Variants in GPR15 observed in about 807,000 individuals in gnomAD.
The protein encoded by GPR15 is G protein-coupled receptor 15.
In GPR15, 16 loss-of-function variants were observed where a neutral mutation model predicts 19.3. The ratio of observed to expected loss-of-function variants is 0.83; its 90% CI spans 0.56 to 1.26. The LOEUF is 1.26. GPR15 is among the 50% of genes most tolerant of loss of function. The pLI, the probability that GPR15 is intolerant of heterozygous loss-of-function variation, is 0.00. For missense variants in GPR15, 458 were observed against 429.4 expected, an observed-to-expected ratio of 1.07 and a Z score of -0.59; for synonymous variants, 170 against 171.2, an observed-to-expected ratio of 0.99 and a Z score of 0.05.
In GPR15 at chr3:98,533,271, G is replaced by A; in HGVS notation, c.*155G>A. 1 of 861,484 alleles carries A rather than the reference G, an allele frequency of 1.2e-6. No individual in the cohort carries two copies. Among genetic ancestry groups the A allele is most frequent in the African/African-American group, 1.7e-5 (1 of 59,118 alleles). The allele number at this position is 861,484 out of a possible 1,614,324, so 53.4% of individuals were successfully genotyped here. ...GAGGACTGAAAAATCCCTGTGTTGT[G>A]GATATAATTAGGCCATGTGCTGTTT... On this transcript the variant is annotated 3_prime_UTR_variant, in exon 1 of 1. Coordinates refer to ENST00000284311, the MANE Select transcript of GPR15 (RefSeq NM_005290.4).
chr3:98,534,357 C>T lies in GPR15; in HGVS notation c.*1241C>T, dbSNP rs1706681298. 1.3e-5 allele frequency among the ~76,000 whole-genome samples: 2 copies of T among 152,186 alleles called. No individual in the cohort carries two copies. Among genetic ancestry groups the T allele is most frequent in the Non-Finnish European group, 2.9e-5 (2 of 68,018 alleles). The stretch of plus-strand genomic sequence containing the variant: ...TAATTAGTGGCAACCACAAAAGACT[C>T]TGCAGCAGCAAGCATGCTATTGTAA... On this transcript the variant is annotated 3_prime_UTR_variant, in exon 1 of 1. Coordinates refer to ENST00000284311, the MANE Select transcript of GPR15 (RefSeq NM_005290.4).
chr3:98,532,226 C>A lies in GPR15; in HGVS notation c.193C>A (p.Arg65=), dbSNP rs772033767. 83 of 1,614,002 alleles carry A rather than the reference C, an allele frequency of 5.1e-5. No homozygotes were observed. Among genetic ancestry groups the A allele is most frequent in the Non-Finnish European group, 6.7e-5 (79 of 1,180,024 alleles). The change falls in exon 1 of 1, where the codon CGA becomes AGA. Residue 65 remains arginine (R), a synonymous_variant. Transcript: ENST00000284311. ...AGCGTTGCATTTCAAACCCGGCAGCCGAAGACTGATCGACATCTTTATCAT... is the reference window on the plus strand; with the variant it reads ...AGCGTTGCATTTCAAACCCGGCAGCAGAAGACTGATCGACATCTTTATCAT... ...MGALHFKPGS[R]RLIDIFIINL... is the part of the protein sequence containing the mutation.
chr3:98,534,542 A>G lies in GPR15; in HGVS notation c.*1426A>G, dbSNP rs1276861771. Among the ~76,000 whole-genome samples the G allele has an allele frequency of 6.6e-6, 1 of 152,212 alleles. No homozygotes were observed. Among genetic ancestry groups the G allele is most frequent in the Non-Finnish European group, 1.5e-5 (1 of 68,020 alleles). On this transcript the variant is annotated 3_prime_UTR_variant, in exon 1 of 1. Transcript: ENST00000284311. Reference sequence around the variant, plus strand: ...TAATTTCATCTCATGTATCTTTCACATGAAGAGAAACCTCAAATATCGGAC... The same window carrying G: ...TAATTTCATCTCATGTATCTTTCACGTGAAGAGAAACCTCAAATATCGGAC...
At position 98,534,567 on chromosome 3, in the gene GPR15, C is replaced by T. The variant is rs996276349; in HGVS notation, c.*1451C>T. Among the ~76,000 whole-genome samples the T allele has an allele frequency of 1.3e-5, 2 of 152,148 alleles. No homozygotes were observed. The highest frequency in any genetic ancestry group is 1.3e-4 in the Admixed American group (2 of 15,278). On this transcript the variant is annotated 3_prime_UTR_variant, in exon 1 of 1. Coordinates refer to ENST00000284311, the MANE Select transcript of GPR15 (RefSeq NM_005290.4). ...ATGAAGAGAAACCTCAAATATCGGA[C>T]ATCTCCTTGTAGCCTAATTAGAAGC... is the stretch of plus-strand genomic sequence containing the variant.
Position 98,532,306 on chromosome 3 carries a change from T to C in GPR15, c.273T>C (p.Asp91=). Residue 91 remains aspartate (D), a synonymous_variant, in exon 1 of 1, where the codon GAT becomes GAC. Coordinates refer to ENST00000284311, the MANE Select transcript of GPR15 (RefSeq NM_005290.4). ...TTGTCACATTGCCTCTCTGGGTGGA[T>C]AAAGAAGCATCTCTAGGACTGTGGA... is the stretch of plus-strand genomic sequence containing the variant. The part of the protein sequence containing the change: ...IFLVTLPLWV[D]KEASLGLWRT... 1 of 1,614,156 alleles carries C rather than the reference T, an allele frequency of 6.2e-7. No individual in the cohort carries two copies. The highest frequency in any genetic ancestry group is 1.3e-5 in the African/African-American group (1 of 75,034).
rs1238745425 is a variant in GPR15 at position 98,533,924 on chromosome 3, G to C, written c.*808G>C. On this transcript the variant is annotated 3_prime_UTR_variant, in exon 1 of 1. Coordinates refer to ENST00000284311, the MANE Select transcript of GPR15 (RefSeq NM_005290.4). Reference sequence around the variant, plus strand: ...TTACTATGCTCTTTTGTTTCCATTGGCTTTATAAATTAGGATTTGACTTTG... The same window carrying C: ...TTACTATGCTCTTTTGTTTCCATTGCCTTTATAAATTAGGATTTGACTTTG... Among the ~76,000 whole-genome samples, 1 of 151,938 alleles carries C rather than the reference G, an allele frequency of 6.6e-6. No homozygotes were observed. Among genetic ancestry groups the C allele is most frequent in the African/African-American group, 2.4e-5 (1 of 41,342 alleles).
At position 98,533,417 on chromosome 3, in the gene GPR15, A is replaced by G. The variant is rs1189959183; in HGVS notation, c.*301A>G. ...GCTTGAACCAGTCCCTTTCTTCATGATTGTTAATGCACATTTGGGCCTTTC... is the reference window on the plus strand; with the variant it reads ...GCTTGAACCAGTCCCTTTCTTCATGGTTGTTAATGCACATTTGGGCCTTTC... On this transcript the variant is annotated 3_prime_UTR_variant, in exon 1 of 1. Coordinates refer to ENST00000284311, the MANE Select transcript of GPR15 (RefSeq NM_005290.4). Among the ~76,000 whole-genome samples the G allele has an allele frequency of 6.6e-6, 1 of 152,070 alleles. No individual in the cohort carries two copies. The highest frequency in any genetic ancestry group is 1.5e-5 in the Non-Finnish European group (1 of 68,016).
Position 98,532,975 on chromosome 3 carries a change from C to T in GPR15, c.942C>T (p.Val314=), listed in dbSNP as rs1274996685. The T allele has an allele frequency of 3.1e-6, 5 of 1,613,978 alleles. No individual in the cohort carries two copies. The highest frequency in any genetic ancestry group is 1.6e-4 in the Middle Eastern group (1 of 6,082). The change falls in exon 1 of 1, where the codon GTC becomes GTT. Residue 314 remains valine (V), a synonymous_variant. Coordinates refer to ENST00000284311, the MANE Select transcript of GPR15 (RefSeq NM_005290.4). ...ACAGCTACATCCGCCGGGCCATTGT[C>T]CACTGCTTGTGCCCTTGCCTGAAAA... The part of the protein sequence containing the change: ...IFDSYIRRAI[V]HCLCPCLKNY...
chr3:98,532,046 G>A lies in GPR15; in HGVS notation c.13G>A (p.Glu5Lys), dbSNP rs1166749117. The A allele has an allele frequency of 1.7e-5, 27 of 1,606,510 alleles. No individual in the cohort carries two copies. Among genetic ancestry groups the A allele is most frequent in the Non-Finnish European group, 2.2e-5 (26 of 1,174,478 alleles). Reference sequence around the variant, plus strand: ...CTGCTCTTTGGTGATGGACCCAGAAGAAACTTCAGTTTATTTGGATTATTA... The same window carrying A: ...CTGCTCTTTGGTGATGGACCCAGAAAAAACTTCAGTTTATTTGGATTATTA... MDPEETSVYLDYYYA... is the reference protein window; with the variant it reads MDPEKTSVYLDYYYA... Residue 5 changes from glutamate to lysine, a missense_variant, in exon 1 of 1, where the codon GAA becomes AAA. Physicochemically the swap from Glu to Lys is moderately conservative, Grantham distance 56. Coordinates refer to ENST00000284311, the MANE Select transcript of GPR15 (RefSeq NM_005290.4).
chr3:98,532,827 T>C lies in GPR15; in HGVS notation c.794T>C (p.Ile265Thr), dbSNP rs768804535. ...TTCAATACTTTCAAGTTCCTGGCCATTGTCTCTGGGTTGCGGCAAGAACAC... is the reference window on the plus strand; with the variant it reads ...TTCAATACTTTCAAGTTCCTGGCCACTGTCTCTGGGTTGCGGCAAGAACAC... ...LPFNTFKFLA[I>T]VSGLRQEHYL... The change falls in exon 1 of 1, where the codon ATT (isoleucine) becomes ACT (threonine). Residue 265 changes from isoleucine to threonine, a missense_variant. Physicochemically the swap from Ile to Thr is moderately conservative, Grantham distance 89. Transcript: ENST00000284311. 1.6e-5 allele frequency: 26 copies of C among 1,613,490 alleles called. No individual in the cohort carries two copies. The highest frequency in any genetic ancestry group is 2.1e-5 in the Non-Finnish European group (25 of 1,179,652).
rs1209284981 is a variant in GPR15, at chr3:98,534,628, C to T, written c.*1512C>T. On this transcript the variant is annotated 3_prime_UTR_variant, in exon 1 of 1. Transcript: ENST00000284311. Reference sequence around the variant, plus strand: ...GTTTTTGGTTTTATAAATTGGCTAACTTGTTAATTTTTCTTAAACTGTTAT... The same window carrying T: ...GTTTTTGGTTTTATAAATTGGCTAATTTGTTAATTTTTCTTAAACTGTTAT... 6.6e-6 allele frequency among the ~76,000 whole-genome samples: 1 copy of T among 152,052 alleles called. No individual in the cohort carries two copies. The highest frequency in any genetic ancestry group is 1.9e-4 in the East Asian group (1 of 5,202).
rs534905786 is a variant in GPR15 at position 98,532,604 on chromosome 3, A to G, written c.571A>G (p.Ile191Val). 4 of 1,614,216 alleles carry G rather than the reference A, an allele frequency of 2.5e-6. No individual in the cohort carries two copies. Among genetic ancestry groups the G allele is most frequent in the East Asian group, 2.2e-5 (1 of 44,886 alleles). The stretch of plus-strand genomic sequence containing the variant: ...CTGTGCAGAGAAAAAGGCAACTCCA[A>G]TTAAACTCATATGGTCCCTGGTGGC... The part of the protein sequence containing the change: ...PYCAEKKATP[I>V]KLIWSLVALI... The change falls in exon 1 of 1, where the codon ATT becomes GTT. Residue 191 changes from isoleucine to valine, a missense_variant. Transcript: ENST00000284311.
In GPR15 at chr3:98,532,301, G is replaced by A; in HGVS notation, c.268G>A (p.Val90Met). The change falls in exon 1 of 1, where the codon GTG becomes ATG. Residue 90 changes from valine (V) to methionine (M), a missense_variant. By Grantham distance (21) the Val-to-Met change is conservative. Coordinates refer to ENST00000284311, the MANE Select transcript of GPR15 (RefSeq NM_005290.4). ...TTTTCTTGTCACATTGCCTCTCTGG[G>A]TGGATAAAGAAGCATCTCTAGGACT... The part of the protein sequence containing the change: ...FIFLVTLPLW[V>M]DKEASLGLWR... 1 of 1,614,134 alleles carries A rather than the reference G, an allele frequency of 6.2e-7. No homozygotes were observed. Among genetic ancestry groups the A allele is most frequent in the Non-Finnish European group, 8.5e-7 (1 of 1,180,018 alleles).
Position 98,534,241 on chromosome 3 carries a change from A to T in GPR15, c.*1125A>T, listed in dbSNP as rs868476097. 4.6e-5 allele frequency among the ~76,000 whole-genome samples: 7 copies of T among 152,296 alleles called. 1 individual carries two copies. The South Asian group carries it at 1.2e-3, about 27-fold the overall frequency. ...TTTTATATATATTTTTTCCATACCC[A>T]GAAACCTTCTTGAATTCCTTTACCC... On this transcript the variant is annotated 3_prime_UTR_variant, in exon 1 of 1. Transcript: ENST00000284311.
At position 98,532,307 on chromosome 3, in the gene GPR15, A is replaced by T. The variant is rs1193331448; in HGVS notation, c.274A>T (p.Lys92Ter). Residue 92 changes from lysine (K) to a stop codon, truncating the protein, a stop_gained, in exon 1 of 1, where the codon AAA becomes TAA. Coordinates refer to ENST00000284311, the MANE Select transcript of GPR15 (RefSeq NM_005290.4). LOFTEE classifies it high-confidence loss of function. ...TGTCACATTGCCTCTCTGGGTGGATAAAGAAGCATCTCTAGGACTGTGGAG... is the reference window on the plus strand; with the variant it reads ...TGTCACATTGCCTCTCTGGGTGGATTAAGAAGCATCTCTAGGACTGTGGAG... ...FLVTLPLWVD[K>*]EASLGLWRTG... The T allele has an allele frequency of 6.2e-7, 1 of 1,614,052 alleles. No individual in the cohort carries two copies. The highest frequency in any genetic ancestry group is 1.3e-5 in the African/African-American group (1 of 74,936).
rs1262541873 is a variant in GPR15, at chr3:98,532,615, A to G, written c.582A>G (p.Ile194Met). The G allele has an allele frequency of 1.9e-6, 3 of 1,614,134 alleles. No homozygotes were observed. Among genetic ancestry groups the G allele is most frequent in the Admixed American group, 1.7e-5 (1 of 60,022 alleles). ...AAAAGGCAACTCCAATTAAACTCAT[A>G]TGGTCCCTGGTGGCCTTAATTTTCA... ...AEKKATPIKL[I>M]WSLVALIFTF... Residue 194 changes from isoleucine (I) to methionine (M), a missense_variant, in exon 1 of 1, where the codon ATA (isoleucine) becomes ATG (methionine). Ile to Met is a conservative substitution (Grantham distance 10, BLOSUM62 1). Coordinates refer to ENST00000284311, the MANE Select transcript of GPR15 (RefSeq NM_005290.4).
Position 98,532,131 on chromosome 3 carries a change from C to T in GPR15, c.98C>T (p.Ser33Phe). The T allele has an allele frequency of 6.2e-7, 1 of 1,614,220 alleles. No individual in the cohort carries two copies. Among genetic ancestry groups the T allele is most frequent in the African/African-American group, 1.3e-5 (1 of 75,060 alleles). ...RETHSHVPYT[S>F]VFLPVFYTAV... ...ACCCACTCCCATGTTCCTTACACCT[C>T]TGTCTTCCTTCCAGTCTTTTACACA... Residue 33 changes from serine to phenylalanine, a missense_variant, in exon 1 of 1, where the codon TCT becomes TTT. Ser to Phe is a radical substitution (Grantham distance 155, BLOSUM62 -2). Transcript: ENST00000284311.
chr3:98,532,231 A>G lies in GPR15; in HGVS notation c.198A>G (p.Arg66=). 6.2e-7 allele frequency: 1 copy of G among 1,614,148 alleles called. No individual in the cohort carries two copies. The highest frequency in any genetic ancestry group is 2.2e-5 in the East Asian group (1 of 44,886). ...GALHFKPGSR[R]LIDIFIINLA... ...TGCATTTCAAACCCGGCAGCCGAAG[A>G]CTGATCGACATCTTTATCATCAATC... The change falls in exon 1 of 1, where the codon AGA becomes AGG. Residue 66 remains arginine, a synonymous_variant. Coordinates refer to ENST00000284311, the MANE Select transcript of GPR15 (RefSeq NM_005290.4).
chr3:98,532,009 C>T lies in GPR15; in HGVS notation c.-25C>T. ...AAACATCATATGTAAGTAAACTCACCAGATTTGGCATCTGCTCTTTGGTGA... is the reference window on the plus strand; with the variant it reads ...AAACATCATATGTAAGTAAACTCACTAGATTTGGCATCTGCTCTTTGGTGA... On this transcript the variant is annotated 5_prime_UTR_variant, in exon 1 of 1. Transcript: ENST00000284311. 1 of 1,572,430 alleles carries T rather than the reference C, an allele frequency of 6.4e-7. No individual in the cohort carries two copies. The highest frequency in any genetic ancestry group is 1.2e-5 in the South Asian group (1 of 84,268).
Sources: gnomAD v4.1 joint callset for allele counts (sites outside exome capture counted in the v4.1 genomes callset) on GRCh38, gnomAD v4.1.1 for gene constraint, MANE v1.5 for transcripts, NCBI Gene and HGNC (gene_info 2026-07-23, HGNC 2026-07-21) for gene names.